Variants in HDGFL3 observed in about 807,000 individuals in gnomAD.
HDGFL3 encodes hepatoma-derived growth factor-related protein 3.
A neutral mutation model predicts 27.6 loss-of-function variants in HDGFL3; 6 were observed. The observed-to-expected ratio is 0.22, with a 90% CI of 0.12 to 0.43. The LOEUF is 0.43. Ranked by LOEUF, HDGFL3 falls within the 20% of genes least tolerant of loss-of-function variation. The pLI is 1.00. For missense variants in HDGFL3, 207 were observed against 250.1 expected (o/e 0.83, Z 1.16); for synonymous variants, 88 against 88.9 (o/e 0.99, Z 0.05).
downstream of HDGFL3, among the ~76,000 whole-genome samples, chr15:83,124,291 T>G (rs1427934159): frequency 1.3e-5 from 2 of 152,196 alleles, no homozygotes; most frequent in South Asian, 4.1e-4. Context: ...TGTGTATATA[T>G]GTATGTTGTG....
At chr15:83,163,523 T>C (rs1221118923) in intron 2 of HDGFL3, among the ~76,000 whole-genome samples, 1 of 152,194 alleles carries the variant, frequency 6.6e-6, no homozygotes, top group African/African-American at 2.4e-5. Context: ...GGTTCCTTTA[T>C]TACATCAGTG....
At chr15:83,152,138 C>T (rs770419307) in intron 4 of HDGFL3, among the ~76,000 whole-genome samples, 11 of 152,258 alleles carry the variant, frequency 7.2e-5, no homozygotes, top group African/African-American at 1.2e-4. Context: ...TAAGAGTCTT[C>T]AAGCACGTTG....
At chr15:83,126,217 A>C (rs1596509944), downstream of HDGFL3, among the ~76,000 whole-genome samples, 2 of 152,104 alleles carry the variant, frequency 1.3e-5, no homozygotes, top group East Asian at 3.8e-4. Context: ...ATGGTGCCTG[A>C]GGGGAGGAAG....
intron 1 of HDGFL3, among the ~76,000 whole-genome samples, chr15:83,201,823 G>A (rs1421247580): frequency 6.6e-6 from 1 of 152,128 alleles, no homozygotes; most frequent in Non-Finnish European, 1.5e-5. Flanking sequence ...AAGTTCCTAT[G>A]AGCTCCCAGA....
rs2037722221 is a variant in HDGFL3 at position 83,206,758 on chromosome 15, TG to T, written c.84+572del. 1.3e-5 allele frequency among the ~76,000 whole-genome samples: 2 copies of T among 152,140 alleles called. 1 individual carries two copies. The highest frequency in any genetic ancestry group is 1.3e-4 in the Admixed American group (2 of 15,282). On this transcript the variant is annotated intron_variant, in intron 1 of 5. Coordinates refer to ENST00000299633, the MANE Select transcript of HDGFL3 (RefSeq NM_016073.4). Reference sequence around the variant, plus strand: ...CAGAGAGGCACGTACCCCAGGACAATGATAGGGCAGGCGGGGCACCGGGAAT... The same window carrying T: ...CAGAGAGGCACGTACCCCAGGACAATATAGGGCAGGCGGGGCACCGGGAAT...
intron 1 of HDGFL3, among the ~76,000 whole-genome samples, chr15:83,182,108 C>T (rs1162554914): frequency 4.6e-5 from 7 of 152,110 alleles, no homozygotes; most frequent in Admixed American, 4.6e-4. Context: ...CAGATATTTC[C>T]CTTTTCTCAT....
intron 1 of HDGFL3, among the ~76,000 whole-genome samples, chr15:83,164,367 C>CA (rs869303457): frequency 0.076 from 2,911 of 38,398 alleles, 347 homozygotes; most frequent in Non-Finnish European, 0.11. Context: ...TTAGAGTAAC[C>CA]AAAAAAAAAA....
chr15:83,177,220 T>C (rs185700187), intron 1 of HDGFL3, among the ~76,000 whole-genome samples: 24 of 152,320 alleles, frequency 1.6e-4, no homozygotes, highest in African/African-American at 5.5e-4. Flanking sequence ...TGCATTTTTA[T>C]ATAAGAATCA....
intron 5 of HDGFL3, among the ~76,000 whole-genome samples, chr15:83,140,047 A>T (rs556153203): frequency 1.3e-5 from 2 of 152,166 alleles, no homozygotes; most frequent in African/African-American, 4.8e-5. Flanking sequence ...CAGCCCTCAA[A>T]TATTTTTTCT....
downstream of HDGFL3, chr15:83,127,536 A>G: frequency 6.3e-7 from 1 of 1,596,412 alleles, no homozygotes; most frequent in Non-Finnish European, 8.5e-7. Context: ...ATTGTTGAAT[A>G]TATGAAAAAC....
chr15:83,151,419 T>A, intron 4 of HDGFL3, 58 bp from the exon 5 acceptor site: 1 of 1,441,838 alleles, frequency 6.9e-7, no homozygotes, highest in Non-Finnish European at 9.5e-7. Flanking sequence ...AATGTACAAG[T>A]AAGAGATGCA....
chr15:83,180,727 C>T (rs552474763), intron 1 of HDGFL3: 1 of 144,234 alleles, frequency 6.9e-6, no homozygotes, highest in South Asian at 2.2e-4. Context: ...CTCACTGCAA[C>T]CTCTACTTCC....
downstream of HDGFL3, chr15:83,126,974 C>T (rs2035815390): frequency 1.9e-5 from 13 of 697,226 alleles, no homozygotes; most frequent in South Asian, 7.3e-5. Flanking sequence ...AGGTTGATCA[C>T]GAGGTCAGGA....
chr15:83,200,332 C>A (rs1195748526), intron 1 of HDGFL3, among the ~76,000 whole-genome samples: 2 of 149,268 alleles, frequency 1.3e-5, no homozygotes, highest in Non-Finnish European at 3.0e-5. Flanking sequence ...AAGACTCCAT[C>A]TCAAAAAAAA....
intron 1 of HDGFL3, among the ~76,000 whole-genome samples, chr15:83,183,027 A>C (rs528908286): frequency 1.8e-4 from 27 of 152,346 alleles, no homozygotes; most frequent in African/African-American, 6.5e-4. Flanking sequence ...GTTGATATAA[A>C]TAGAGAGGGA....
intron 3 of HDGFL3, 45 bp from the exon 4 acceptor site, chr15:83,157,618 A>G (rs758588943): frequency 6.6e-7 from 1 of 1,508,634 alleles, no homozygotes; most frequent in South Asian, 1.2e-5. Context: ...TTGAAAAAAT[A>G]GCAAAGAACA....
intron 1 of HDGFL3, among the ~76,000 whole-genome samples, chr15:83,165,113 A>G (rs2151406196): frequency 6.6e-6 from 1 of 152,332 alleles, no homozygotes; most frequent in Non-Finnish European, 1.5e-5. Context: ...TTCTGGTTAT[A>G]CGCCAGCTTC....
intron 1 of HDGFL3, among the ~76,000 whole-genome samples, chr15:83,172,620 C>T (rs1200759034): frequency 2.0e-5 from 3 of 151,994 alleles, no homozygotes; most frequent in African/African-American, 7.2e-5. Context: ...GGTGGATCAC[C>T]TGAGGTCAGG....
At chr15:83,198,352 T>C (rs1408029574) in intron 1 of HDGFL3, among the ~76,000 whole-genome samples, 2 of 152,172 alleles carry the variant, frequency 1.3e-5, no homozygotes, top group Admixed American at 1.3e-4. Flanking sequence ...CTCACAGAGA[T>C]TACTTTCCCT....
Sources: gnomAD v4.1 joint callset for allele counts (sites outside exome capture counted in the v4.1 genomes callset) on GRCh38, gnomAD v4.1.1 for gene constraint, MANE v1.5 for transcripts, NCBI Gene and HGNC (gene_info 2026-07-23, HGNC 2026-07-21) for gene names.